The following DENND1A variants were observed in gnomAD, a reference collection of about 807,000 sequenced individuals.
DENND1A encodes DENN domain-containing protein 1A.
Under a neutral mutation model 113.7 loss-of-function variants are expected in DENND1A, and 51 were observed. The observed-to-expected ratio is 0.45, with a 90% CI of 0.36 to 0.57. The LOEUF (loss-of-function observed/expected upper bound fraction) is 0.57, where lower values mean the gene tolerates loss of function less well. Among genes scored for constraint, DENND1A ranks in the 20% least tolerant of loss-of-function variants. DENND1A has a pLI of 0.00. For synonymous variants in DENND1A, 565 were observed against 570.8 expected, an observed-to-expected ratio of 0.99 and a Z score of 0.14; for missense variants, 1,258 against 1,395.9, an observed-to-expected ratio of 0.90 and a Z score of 1.57.
intron 20 of DENND1A, among the ~76,000 whole-genome samples, chr9:123,409,628 T>C (rs2044147916): frequency 6.6e-6 from 1 of 151,914 alleles, no homozygotes; most frequent in South Asian, 2.1e-4. Context: ...AAGCATCAGT[T>C]TTCTCATTGC....
intron 19 of DENND1A, among the ~76,000 whole-genome samples, chr9:123,428,751 ACAAAG>A (rs1334507542): frequency 1.3e-5 from 2 of 152,138 alleles, no homozygotes; most frequent in Non-Finnish European, 2.9e-5. Context: ...ATTCCTATAC[ACAAAG>A]CAGAGAGCCA....
intron 9 of DENND1A, among the ~76,000 whole-genome samples, chr9:123,638,520 G>A (rs1029921920): frequency 5.9e-5 from 9 of 152,172 alleles, no homozygotes; most frequent in East Asian, 1.9e-4. Context: ...CCAGGCTGGC[G>A]TTGCAGTGGT....
intron 18 of DENND1A, among the ~76,000 whole-genome samples, chr9:123,447,444 GC>G (rs1448871510): frequency 6.6e-6 from 1 of 152,138 alleles, no homozygotes; most frequent in Non-Finnish European, 1.5e-5. Flanking sequence ...AAATGAACAA[GC>G]GTTGGAGAAG....
chr9:123,826,229 C>T (rs1389688149), intron 2 of DENND1A, among the ~76,000 whole-genome samples: 1 of 151,936 alleles, frequency 6.6e-6, no homozygotes, highest in Non-Finnish European at 1.5e-5. Flanking sequence ...AAGTGAGACC[C>T]CTATCTCTAC....
chr9:123,643,475 G>C (rs967528206), intron 9 of DENND1A, among the ~76,000 whole-genome samples: 1 of 152,158 alleles, frequency 6.6e-6, no homozygotes, highest in African/African-American at 2.4e-5. Flanking sequence ...ATTTCTTTCA[G>C]TATCCCTAAA....
chr9:123,391,371 T>C (rs1465934611), intron 21 of DENND1A, among the ~76,000 whole-genome samples: 1 of 152,228 alleles, frequency 6.6e-6, no homozygotes, highest in Non-Finnish European at 1.5e-5. Context: ...CTTACAAGCC[T>C]TGGGCGAAAT....
chr9:123,606,483 C>G (rs1303315079), intron 11 of DENND1A, among the ~76,000 whole-genome samples: 2 of 152,184 alleles, frequency 1.3e-5, no homozygotes, highest in Non-Finnish European at 2.9e-5. Flanking sequence ...AAGTGCAAAA[C>G]TCTGTCTCAA....
intron 13 of DENND1A, among the ~76,000 whole-genome samples, chr9:123,458,724 G>A (rs1317902485): frequency 6.6e-6 from 1 of 152,224 alleles, no homozygotes; most frequent in Non-Finnish European, 1.5e-5. Context: ...CATTTTGGGA[G>A]GCCAAGGCAG....
chr9:123,829,499 C>A (rs1839873848), intron 2 of DENND1A, among the ~76,000 whole-genome samples: 1 of 151,588 alleles, frequency 6.6e-6, no homozygotes. Context: ...TTAAGAGAAA[C>A]AGAAGGTAAA....
intron 19 of DENND1A, chr9:123,413,589 C>T (rs556701214): frequency 4.0e-5 from 39 of 985,504 alleles, no homozygotes; most frequent in Admixed American, 1.2e-4. Flanking sequence ...GAGGGGAAAG[C>T]GGGTCCAGGG....
At position 123,475,483 on chromosome 9, in the gene DENND1A, C is replaced by G. The variant is rs559064183; in HGVS notation, c.994-17586G>C. On this transcript the variant is annotated intron_variant, in intron 13 of 23. Transcript: ENST00000394215. ...GCCTGGGGTAGATGCCACACTGTGTCGAGGGACAGAGTTGCATTTTTAGTG... is the reference window on the plus strand; with the variant it reads ...GCCTGGGGTAGATGCCACACTGTGTGGAGGGACAGAGTTGCATTTTTAGTG... 2.2e-4 allele frequency among the ~76,000 whole-genome samples: 33 copies of G among 152,316 alleles called. No individual in the cohort carries two copies. The South Asian group carries it at 4.1e-3, about 19-fold the overall frequency.
At chr9:123,772,939 A>AT (rs1829957561) in intron 3 of DENND1A, among the ~76,000 whole-genome samples, 1 of 152,204 alleles carries the variant, frequency 6.6e-6, no homozygotes, top group African/African-American at 2.4e-5. Context: ...TATCCAACAC[A>AT]TAACTTATTG....
intron 8 of DENND1A, among the ~76,000 whole-genome samples, chr9:123,652,768 A>AG (rs2062728840): frequency 6.6e-6 from 1 of 152,210 alleles, no homozygotes; most frequent in Non-Finnish European, 1.5e-5. Context: ...TTCACTCAAA[A>AG]GGGGAAAAAA....
At chr9:123,818,939 T>C (rs890304727) in intron 2 of DENND1A, among the ~76,000 whole-genome samples, 2 of 152,202 alleles carry the variant, frequency 1.3e-5, no homozygotes, top group African/African-American at 4.8e-5. Flanking sequence ...TTAAAAGTCA[T>C]ATCATAGAAC....
At chr9:123,785,931 G>A (rs16926842) in intron 3 of DENND1A, among the ~76,000 whole-genome samples, 11,515 of 152,216 alleles carry the variant, frequency 0.076, 507 homozygotes, top group Middle Eastern at 0.13. Context: ...GCACACATCT[G>A]GCCAGGCACT....
At chr9:123,427,501 C>T (rs914900085) in intron 19 of DENND1A, among the ~76,000 whole-genome samples, 1 of 152,200 alleles carries the variant, frequency 6.6e-6, no homozygotes, top group Non-Finnish European at 1.5e-5. Flanking sequence ...CATGCGCTAA[C>T]CTGCCATTTC....
At chr9:123,578,710 C>T (rs2058739830) in intron 12 of DENND1A, among the ~76,000 whole-genome samples, 1 of 152,098 alleles carries the variant, frequency 6.6e-6, no homozygotes, top group South Asian at 2.1e-4. Flanking sequence ...ACTGCTACTC[C>T]AAAAAACTGA....
intron 12 of DENND1A, among the ~76,000 whole-genome samples, chr9:123,574,388 T>A (rs10818842): frequency 0.43 from 65,000 of 151,808 alleles, 14,394 homozygotes; most frequent in African/African-American, 0.54. Flanking sequence ...TTTTACAGAT[T>A]TAAAATTCTT....
At chr9:123,641,436 C>CAAAA (rs34664320) in intron 9 of DENND1A, among the ~76,000 whole-genome samples, 1 of 113,446 alleles carries the variant, frequency 8.8e-6, no homozygotes, top group African/African-American at 3.0e-5. Context: ...AATGAAATGG[C>CAAAA]AAAAAAAAAA....
Sources: gnomAD v4.1 joint callset for allele counts (sites outside exome capture counted in the v4.1 genomes callset) on GRCh38, gnomAD v4.1.1 for gene constraint, MANE v1.5 for transcripts, NCBI Gene and HGNC (gene_info 2026-07-23, HGNC 2026-07-21) for gene names.